Variants in MS4A4E observed in about 807,000 individuals in gnomAD.
The protein encoded by MS4A4E is putative membrane-spanning 4-domains subfamily A member 4E.
Under a neutral mutation model 13.3 loss-of-function variants are expected in MS4A4E, and 23 were observed. The ratio of observed to expected loss-of-function variants is 1.73; its 90% CI spans 1.25 to 2.45. The LOEUF (loss-of-function observed/expected upper bound fraction) is 2.45, where lower values mean the gene tolerates loss of function less well. Among genes scored for constraint, MS4A4E ranks in the 30% most tolerant of loss-of-function variants. MS4A4E has a pLI of 0.00. For synonymous variants in MS4A4E, 36 were observed against 45.6 expected, an observed-to-expected ratio of 0.79 and a Z score of 0.85; for missense variants, 144 against 131.2, an observed-to-expected ratio of 1.10 and a Z score of -0.48.
chr11:60,243,011 G>A lies in MS4A4E; in HGVS notation c.-70C>T, dbSNP rs978943272. The A allele has an allele frequency of 2.6e-6, 4 of 1,538,164 alleles. No homozygotes were observed. Among genetic ancestry groups the A allele is most frequent in the Admixed American group, 1.9e-5 (1 of 52,902 alleles). Reference sequence around the variant, plus strand: ...AGGTCTGATGAGTGCAGGGCTCTGGGCAAGTTCCTCAAAGTTCTTTGTTCC... The same window carrying A: ...AGGTCTGATGAGTGCAGGGCTCTGGACAAGTTCCTCAAAGTTCTTTGTTCC... On this transcript the variant is annotated 5_prime_UTR_variant, in exon 1 of 9. Coordinates refer to ENST00000651255, the MANE Select transcript of MS4A4E (RefSeq NM_001393391.1).
intron 1 of MS4A4E, among the ~76,000 whole-genome samples, chr11:60,236,183 A>G (rs1021728219): frequency 1.3e-5 from 2 of 152,218 alleles, no homozygotes; most frequent in African/African-American, 4.8e-5. Flanking sequence ...TTATGCCAAT[A>G]CCACACTGTC....
chr11:60,231,248 T>C (rs2084407271), intron 1 of MS4A4E, among the ~76,000 whole-genome samples: 2 of 151,838 alleles, frequency 1.3e-5, no homozygotes, highest in Admixed American at 1.3e-4. Context: ...TGAAAAGCAG[T>C]AAAATAAAAA....
chr11:60,228,598 A>G lies in MS4A4E; in HGVS notation c.174T>C (p.His58=). The G allele has an allele frequency of 1.4e-6, 1 of 698,566 alleles. No individual in the cohort carries two copies. Among genetic ancestry groups the G allele is most frequent in the Middle Eastern group, 2.3e-4 (1 of 4,364 alleles). 43.3% of individuals were successfully genotyped at this position (698,566 alleles called of 1,614,324 possible). A position where few individuals can be genotyped will look rare whatever the true frequency, so the allele number is the denominator to read the frequency against. Residue 58 remains histidine, a synonymous_variant, in exon 3 of 9, where the codon CAT becomes CAC. Transcript: ENST00000651255. ...CAATATAGTAATCATACTTACCCGAATGAGTTGAAAACTTATGTCCACACA... is the reference window on the plus strand; with the variant it reads ...CAATATAGTAATCATACTTACCCGAGTGAGTTGAAAACTTATGTCCACACA... ...GVLCGHKFST[H]SVSLSVAAGI...
At chr11:60,221,824 T>C (rs2084273669) in intron 3 of MS4A4E, among the ~76,000 whole-genome samples, 1 of 152,212 alleles carries the variant, frequency 6.6e-6, no homozygotes, top group South Asian at 2.1e-4. Context: ...TTGTATTTCA[T>C]GTGAGTGCTT....
intron 5 of MS4A4E, among the ~76,000 whole-genome samples, chr11:60,209,916 C>G (rs762202511): frequency 6.6e-6 from 1 of 152,208 alleles, no homozygotes; most frequent in African/African-American, 2.4e-5. Context: ...TTTTCTTGTG[C>G]CTTCAACAGC....
intron 3 of MS4A4E, among the ~76,000 whole-genome samples, chr11:60,227,150 C>T (rs2134957898): frequency 6.6e-6 from 1 of 152,010 alleles, no homozygotes; most frequent in South Asian, 2.1e-4. Flanking sequence ...AGTCGAATAA[C>T]TAAATAAATG....
Position 60,203,647 on chromosome 11 carries a change from G to A in MS4A4E, c.659+1243C>T, listed in dbSNP as rs537227817. Among the ~76,000 whole-genome samples the A allele has an allele frequency of 1.6e-4, 24 of 152,302 alleles. No individual in the cohort carries two copies. In the South Asian group the frequency reaches 4.6e-3, roughly 29 times the overall value. On this transcript the variant is annotated intron_variant, in intron 8 of 8. Transcript: ENST00000651255. ...GCCTGTAAGCCCAGCTACTTGGGAGGCTGAGGTGCGAGGATGGCTTAAGCC... is the reference window on the plus strand; with the variant it reads ...GCCTGTAAGCCCAGCTACTTGGGAGACTGAGGTGCGAGGATGGCTTAAGCC...
Position 60,212,959 on chromosome 11 carries a change from AG to A in MS4A4E, c.381+14del, listed in dbSNP as rs570889240. ...GCTTCTATGATAATATCTCATGAAA[AG>A]AGAAAACACTCACCATTAAAATGGA... is the stretch of plus-strand genomic sequence containing the variant. On this transcript the variant is annotated intron_variant, in intron 5 of 8. Transcript: ENST00000651255. The A allele has an allele frequency of 1.7e-3, 439 of 254,140 alleles. 1 individual carries two copies. The highest frequency in any genetic ancestry group is 2.8e-3 in the Non-Finnish European group (380 of 134,384). The allele number at this position is 254,140 out of a possible 1,614,324, so 15.7% of individuals were successfully genotyped here.
rs2084150159 is a variant in MS4A4E, at chr11:60,213,407, C to A, written c.223-275G>T. The A allele has an allele frequency of 3.8e-6, 4 of 1,060,278 alleles. No homozygotes were observed. The South Asian group carries it at 4.6e-5, about 12-fold the overall frequency. The allele number at this position is 1,060,278 out of a possible 1,614,324, so 65.7% of individuals were successfully genotyped here. On this transcript the variant is annotated intron_variant, in intron 4 of 8. Coordinates refer to ENST00000651255, the MANE Select transcript of MS4A4E (RefSeq NM_001393391.1). The stretch of plus-strand genomic sequence containing the variant: ...ATTTTTTACACATTAGCTGGACAGT[C>A]ATGTCTGTGTCCTTCCCTGCCATTC...
At chr11:60,241,520 G>A (rs1040825231) in intron 1 of MS4A4E, among the ~76,000 whole-genome samples, 3 of 152,112 alleles carry the variant, frequency 2.0e-5, no homozygotes, top group Non-Finnish European at 2.9e-5. Flanking sequence ...TGACTCTTAT[G>A]ATTTTCCATA....
intron 1 of MS4A4E, among the ~76,000 whole-genome samples, chr11:60,231,651 T>G (rs1448099016): frequency 6.6e-6 from 1 of 152,284 alleles, no homozygotes; most frequent in Admixed American, 6.5e-5. Context: ...CCTTGAGGTG[T>G]ACAGCATAAA....
chr11:60,240,888 T>C (rs1157637933), intron 1 of MS4A4E, among the ~76,000 whole-genome samples: 1 of 152,232 alleles, frequency 6.6e-6, no homozygotes, highest in African/African-American at 2.4e-5. Context: ...CCTCTAGTGG[T>C]AACTAAGGAT....
intron 5 of MS4A4E, among the ~76,000 whole-genome samples, chr11:60,211,298 G>T (rs2084118417): frequency 6.6e-6 from 1 of 152,248 alleles, no homozygotes; most frequent in East Asian, 1.9e-4. Context: ...TTGAGTGAGT[G>T]GCAAGAAATA....
At chr11:60,238,548 CT>C (rs1385315205) in intron 1 of MS4A4E, among the ~76,000 whole-genome samples, 2 of 151,904 alleles carry the variant, frequency 1.3e-5, no homozygotes, top group Non-Finnish European at 2.9e-5. Flanking sequence ...GTGATTTCTT[CT>C]TGTAATTTTT....
chr11:60,234,785 C>A (rs1031134342), intron 1 of MS4A4E, among the ~76,000 whole-genome samples: 27 of 115,414 alleles, frequency 2.3e-4, no homozygotes, highest in Non-Finnish European at 3.8e-4. Flanking sequence ...CAACCCCCCC[C>A]CCCAAAATAA....
rs1450313947 is a variant in MS4A4E at position 60,240,868 on chromosome 11, G to T, written c.-17+2090C>A. Among the ~76,000 whole-genome samples, 4 of 152,086 alleles carry T rather than the reference G, an allele frequency of 2.6e-5. No homozygotes were observed. The East Asian group carries it at 5.8e-4, about 22-fold the overall frequency. On this transcript the variant is annotated intron_variant, in intron 1 of 8. Transcript: ENST00000651255. ...CTACAGCCCCCATTTCCCGCATGTG[G>T]ATTACTCAACCTCTAGTGGTAACTA...
intron 5 of MS4A4E, 126 bp from the exon 6 acceptor site, chr11:60,208,820 G>A: frequency 2.4e-6 from 1 of 415,996 alleles, no homozygotes; most frequent in Non-Finnish European, 4.4e-6. Flanking sequence ...CCTCCCAATG[G>A]CAGCCATACC....
intron 5 of MS4A4E, among the ~76,000 whole-genome samples, chr11:60,209,798 T>C (rs1376271828): frequency 2.0e-5 from 3 of 152,256 alleles, no homozygotes; most frequent in Non-Finnish European, 4.4e-5. Context: ...CTCTCCATGG[T>C]TAGGGATAGT....
At chr11:60,216,756 G>T (rs538746712) in intron 3 of MS4A4E, among the ~76,000 whole-genome samples, 139 of 152,230 alleles carry the variant, frequency 9.1e-4, no homozygotes, top group African/African-American at 3.2e-3. Flanking sequence ...GTCTGTGAGG[G>T]TGTTGACAAA....
Sources: gnomAD v4.1 joint callset for allele counts (sites outside exome capture counted in the v4.1 genomes callset) on GRCh38, gnomAD v4.1.1 for gene constraint, MANE v1.5 for transcripts, NCBI Gene and HGNC (gene_info 2026-07-23, HGNC 2026-07-21) for gene names.